CLASP1: variants seen among roughly 807,000 people sequenced by gnomAD.
CLASP1 encodes the protein CLIP-associating protein 1.
In CLASP1, 38 loss-of-function variants were observed where a neutral mutation model predicts 192.3. The observed-to-expected ratio is 0.20, with a 90% CI of 0.15 to 0.26. The LOEUF is 0.26. Ranked by LOEUF, CLASP1 falls within the 10% of genes least tolerant of loss-of-function variation. The pLI is 1.00. For synonymous variants in CLASP1, 691 were observed against 712.8 expected (o/e 0.97, Z 0.49); for missense variants, 1,433 against 1,932.5 (o/e 0.74, Z 4.85).
At chr2:121,399,482 C>T (rs1352278069) in intron 28 of CLASP1, among the ~76,000 whole-genome samples, 5 of 152,050 alleles carry the variant, frequency 3.3e-5, no homozygotes, top group Non-Finnish European at 7.4e-5. Flanking sequence ...TCGGGAAATA[C>T]GCCATTGTTA....
At chr2:121,530,134 G>T in intron 3 of CLASP1, 113 bp downstream of exon 3, 1 of 826,126 alleles carries the variant, frequency 1.2e-6, no homozygotes, top group African/African-American at 1.7e-5. Context: ...GGGAGGGAGA[G>T]GGGGCTGGAG....
At chr2:121,610,084 A>G (rs183043991) in intron 1 of CLASP1, among the ~76,000 whole-genome samples, 191 of 152,374 alleles carry the variant, frequency 1.3e-3, no homozygotes, top group African/African-American at 4.4e-3. Context: ...TTGCAATTAA[A>G]TCATAAAAAG....
intron 8 of CLASP1, among the ~76,000 whole-genome samples, chr2:121,495,197 C>A (rs2093478545): frequency 6.6e-6 from 1 of 152,044 alleles, no homozygotes; most frequent in Non-Finnish European, 1.5e-5. Context: ...GTGGCAGGTG[C>A]CTGTACTCTC....
At chr2:121,464,096 T>C (rs2088835182) in intron 9 of CLASP1, among the ~76,000 whole-genome samples, 1 of 150,750 alleles carries the variant, frequency 6.6e-6, no homozygotes, top group Non-Finnish European at 1.5e-5. Flanking sequence ...ATATGCGGTG[T>C]TTGGTTTTTT....
At chr2:121,506,995 T>C (rs2093966046) in intron 7 of CLASP1, among the ~76,000 whole-genome samples, 1 of 152,168 alleles carries the variant, frequency 6.6e-6, no homozygotes, top group African/African-American at 2.4e-5. Flanking sequence ...TGCCACAATA[T>C]ATTATTTCAA....
intron 30 of CLASP1, among the ~76,000 whole-genome samples, chr2:121,389,821 G>C (rs986725254): frequency 1.3e-5 from 2 of 152,086 alleles, no homozygotes; most frequent in African/African-American, 4.8e-5. Flanking sequence ...TTAAAAATAA[G>C]ATCCAAGTTC....
At chr2:121,372,706 T>C (rs2069006703) in intron 34 of CLASP1, among the ~76,000 whole-genome samples, 2 of 152,220 alleles carry the variant, frequency 1.3e-5, no homozygotes, top group South Asian at 2.1e-4. Flanking sequence ...CTCCATTCCA[T>C]AGTTACAGTA....
chr2:121,571,603 T>A (rs866406792), intron 2 of CLASP1, among the ~76,000 whole-genome samples: 2 of 152,090 alleles, frequency 1.3e-5, no homozygotes, highest in Non-Finnish European at 2.9e-5. Context: ...CTCAGTGGTA[T>A]GGGAGCAAGC....
At chr2:121,626,009 G>T (rs955003892) in intron 1 of CLASP1, among the ~76,000 whole-genome samples, 1 of 151,354 alleles carries the variant, frequency 6.6e-6, no homozygotes, top group East Asian at 2.0e-4. Context: ...TGAGGCAAGA[G>T]AATCACTTTG....
exon 35 of CLASP1, chr2:121,367,674 T>C: frequency 6.2e-7 from 1 of 1,613,990 alleles, no homozygotes; most frequent in East Asian, 2.2e-5. Flanking sequence ...TGAGTAGGGG[T>C]ACGGGTTGTA....
intron 8 of CLASP1, among the ~76,000 whole-genome samples, chr2:121,480,746 A>G (rs2092531645): frequency 6.6e-6 from 1 of 152,180 alleles, no homozygotes; most frequent in African/African-American, 2.4e-5. Context: ...TCTCAGAGTG[A>G]TGACACCTTT....
At chr2:121,473,612 C>T (rs1297125640) in intron 8 of CLASP1, among the ~76,000 whole-genome samples, 2 of 152,056 alleles carry the variant, frequency 1.3e-5, no homozygotes, top group Admixed American at 6.5e-5. Context: ...AACTATAAAC[C>T]TACAGATCCA....
chr2:121,587,555 C>A (rs753690421), intron 2 of CLASP1, among the ~76,000 whole-genome samples: 1 of 152,172 alleles, frequency 6.6e-6, no homozygotes, highest in Admixed American at 6.5e-5. Context: ...GTCAGCCGGG[C>A]GAGGTGGCTC....
chr2:121,566,221 A>G (rs2059488064), intron 2 of CLASP1, among the ~76,000 whole-genome samples: 1 of 152,236 alleles, frequency 6.6e-6, no homozygotes, highest in East Asian at 1.9e-4. Context: ...AATGGGGACG[A>G]AAGCAGTGGG....
intron 22 of CLASP1, among the ~76,000 whole-genome samples, chr2:121,419,651 C>T (rs746868739): frequency 2.6e-5 from 4 of 151,686 alleles, no homozygotes; most frequent in Non-Finnish European, 4.4e-5. Flanking sequence ...AGCCCAGGGT[C>T]TCATAATAAC....
Position 121,445,982 on chromosome 2 carries a change from G to T in CLASP1, c.1912+1355C>A, listed in dbSNP as rs543215782. The stretch of plus-strand genomic sequence containing the variant: ...CTGAAAAACTAAACTAAAATTAACA[G>T]AACTAATTCAGCATAGGAGGAAGAG... On this transcript the variant is annotated intron_variant, in intron 19 of 39. Coordinates refer to ENST00000263710, the Ensembl canonical transcript of CLASP1. 7.9e-5 allele frequency among the ~76,000 whole-genome samples: 12 copies of T among 152,252 alleles called. No homozygotes were observed. The East Asian group carries it at 2.3e-3, about 29-fold the overall frequency.
rs2066755365 is a variant in CLASP1, at chr2:121,363,304, G to C, written c.4078-4C>G. 6.2e-7 allele frequency: 1 copy of C among 1,613,356 alleles called. No homozygotes were observed. Among genetic ancestry groups the C allele is most frequent in the South Asian group, 1.1e-5 (1 of 91,010 alleles). On this transcript the variant is annotated splice_region_variant and splice_polypyrimidine_tract_variant and intron_variant, in intron 36 of 39. Coordinates refer to ENST00000263710, the Ensembl canonical transcript of CLASP1. ...ACGCCAGTGCTCGAATTGAATGCTA[G>C]AATACAAAGGGAAAGGAAGACATCA... is the stretch of plus-strand genomic sequence containing the variant.
At chr2:121,382,556 T>A (rs1297420616) in intron 32 of CLASP1, among the ~76,000 whole-genome samples, 1 of 152,190 alleles carries the variant, frequency 6.6e-6, no homozygotes, top group Non-Finnish European at 1.5e-5. Context: ...AAACGTGGAA[T>A]GTGTTTACTA....
chr2:121,370,468 G>A (rs1010698070), intron 34 of CLASP1, among the ~76,000 whole-genome samples: 1 of 152,130 alleles, frequency 6.6e-6, no homozygotes, highest in Non-Finnish European at 1.5e-5. Flanking sequence ...TGGGATTACA[G>A]GCATGTGCCA....
Sources: allele counts gnomAD v4.1 joint callset (sites outside exome capture counted in the v4.1 genomes callset), GRCh38; gene constraint gnomAD v4.1.1; transcripts MANE v1.5; gene names NCBI Gene and HGNC (gene_info 2026-07-23, HGNC 2026-07-21).